PTPRD: variants seen among roughly 807,000 people sequenced by gnomAD.
PTPRD encodes receptor-type tyrosine-protein phosphatase delta.
In PTPRD, 34 loss-of-function variants were observed where a neutral mutation model predicts 214.5. The ratio of observed to expected loss-of-function variants is 0.16; its 90% CI spans 0.12 to 0.21. PTPRD has a LOEUF of 0.21. PTPRD is among the 10% of genes least tolerant of loss of function. The pLI, the probability that PTPRD is intolerant of heterozygous loss-of-function variation, is 1.00. For missense variants in PTPRD, 2,545 were observed against 2,398.7 expected (o/e 1.06, Z -1.27); for synonymous variants, 1,128 against 845.7 (o/e 1.33, Z -5.79).
chr9:10,463,347 T>C (rs899934869), intron 2 of PTPRD, among the ~76,000 whole-genome samples: 1 of 152,108 alleles, frequency 6.6e-6, no homozygotes, highest in African/African-American at 2.4e-5. Context: ...AAGCAGATGA[T>C]ACATATAAAA....
At chr9:9,649,870 C>G (rs560585123) in intron 7 of PTPRD, among the ~76,000 whole-genome samples, 1 of 151,788 alleles carries the variant, frequency 6.6e-6, no homozygotes, top group South Asian at 2.1e-4. Context: ...TTCATTTTTC[C>G]TCATTTCTCA....
At chr9:9,254,766 TA>T (rs2099976990) in intron 9 of PTPRD, among the ~76,000 whole-genome samples, 1 of 152,050 alleles carries the variant, frequency 6.6e-6, no homozygotes, top group Non-Finnish European at 1.5e-5. Context: ...AACGGTATTT[TA>T]AAACCCTGCG....
At chr9:8,422,967 C>G (rs1270112116) in intron 35 of PTPRD, among the ~76,000 whole-genome samples, 1 of 152,152 alleles carries the variant, frequency 6.6e-6, no homozygotes, top group Non-Finnish European at 1.5e-5. Flanking sequence ...GCTTCTCAAT[C>G]ACTGCAGCCA....
chr9:8,434,819 A>C (rs1246895291), intron 35 of PTPRD, among the ~76,000 whole-genome samples: 1 of 149,446 alleles, frequency 6.7e-6, no homozygotes, highest in African/African-American at 2.6e-5. Context: ...CTCTAAACTC[A>C]CTATGGAGCC....
At chr9:8,326,528 T>C (rs1312818310) in intron 44 of PTPRD, among the ~76,000 whole-genome samples, 1 of 151,378 alleles carries the variant, frequency 6.6e-6, no homozygotes, top group Non-Finnish European at 1.5e-5. Flanking sequence ...GGCCTGGAAT[T>C]TTCTTTTTTG....
rs139589940 is a variant in PTPRD, at chr9:10,123,743, C to A, written c.-544-89953G>T. On this transcript the variant is annotated intron_variant, in intron 3 of 45. Coordinates refer to ENST00000381196, the MANE Select transcript of PTPRD (RefSeq NM_002839.4). Reference sequence around the variant, plus strand: ...CCTTGGAATAGTGAATACGTCTTTCCCCAAACTGATGCTCATGGTGTTAAG... The same window carrying A: ...CCTTGGAATAGTGAATACGTCTTTCACCAAACTGATGCTCATGGTGTTAAG... Among the ~76,000 whole-genome samples, 713 of 152,220 alleles carry A rather than the reference C, an allele frequency of 4.7e-3. 5 individuals carry two copies. Among genetic ancestry groups the A allele is most frequent in the Middle Eastern group, 0.034 (10 of 294 alleles).
intron 12 of PTPRD, among the ~76,000 whole-genome samples, chr9:8,639,293 T>C (rs986206082): frequency 6.6e-6 from 1 of 152,242 alleles, no homozygotes; most frequent in African/African-American, 2.4e-5. Flanking sequence ...AACTACTTGC[T>C]TGTCAGTAAC....
chr9:10,104,034 G>A (rs2098598613), intron 3 of PTPRD, among the ~76,000 whole-genome samples: 2 of 151,660 alleles, frequency 1.3e-5, no homozygotes, highest in Non-Finnish European at 2.9e-5. Context: ...GGAAACTTAA[G>A]GACATTATGT....
chr9:10,012,315 T>A (rs1253190791), intron 4 of PTPRD, among the ~76,000 whole-genome samples: 2 of 151,416 alleles, frequency 1.3e-5, no homozygotes, highest in African/African-American at 2.4e-5. Context: ...GGTGGAAGAT[T>A]CAGACAAGAA....
chr9:9,967,943 A>AATTT (rs1262276273), intron 4 of PTPRD, among the ~76,000 whole-genome samples: 1 of 152,258 alleles, frequency 6.6e-6, no homozygotes, highest in East Asian at 1.9e-4. Context: ...TATTAAGAAA[A>AATTT]ATTTGTCACA....
intron 8 of PTPRD, among the ~76,000 whole-genome samples, chr9:9,497,914 C>T (rs1270928436): frequency 6.6e-6 from 1 of 152,148 alleles, no homozygotes; most frequent in Non-Finnish European, 1.5e-5. Flanking sequence ...CCTCAGTTTT[C>T]TCATCTATAA....
intron 9 of PTPRD, among the ~76,000 whole-genome samples, chr9:9,352,327 A>ATATATATGTG (rs1555280411): frequency 1.5e-5 from 1 of 68,382 alleles, no homozygotes; most frequent in African/African-American, 4.4e-5. Flanking sequence ...ATATATATAT[A>ATATATATGTG]TGTGTGTGTG....
intron 12 of PTPRD, among the ~76,000 whole-genome samples, chr9:8,696,996 C>CA: frequency 6.6e-6 from 1 of 152,194 alleles, no homozygotes; most frequent in South Asian, 2.1e-4. Flanking sequence ...AAATGGGTTA[C>CA]AAAATGCTTG....
intron 3 of PTPRD, among the ~76,000 whole-genome samples, chr9:10,223,390 C>T (rs1342532560): frequency 2.0e-5 from 3 of 151,940 alleles, no homozygotes; most frequent in East Asian, 1.9e-4. Flanking sequence ...CCCAGCAGGA[C>T]GTGGTGGCTC....
intron 30 of PTPRD, 61 bp from the exon 31 acceptor site, chr9:8,471,146 C>T (rs1243336355): frequency 1.4e-6 from 2 of 1,403,452 alleles, no homozygotes; most frequent in Non-Finnish European, 2.0e-6. Context: ...GTGGATATAC[C>T]CTTAAACCTT....
At chr9:9,184,659 G>T (rs1438305612) in intron 9 of PTPRD, among the ~76,000 whole-genome samples, 2 of 152,034 alleles carry the variant, frequency 1.3e-5, no homozygotes, top group Non-Finnish European at 2.9e-5. Flanking sequence ...CACTTAGCCT[G>T]TTTGGTTTAT....
At chr9:8,346,030 G>C (rs192828101) in intron 39 of PTPRD, among the ~76,000 whole-genome samples, 1 of 151,872 alleles carries the variant, frequency 6.6e-6, no homozygotes, top group Non-Finnish European at 1.5e-5. Flanking sequence ...ATTTCAAACT[G>C]TCTTCAAGTT....
intron 11 of PTPRD, among the ~76,000 whole-genome samples, chr9:8,990,457 A>T (rs1232090846): frequency 6.6e-6 from 1 of 152,154 alleles, no homozygotes; most frequent in Non-Finnish European, 1.5e-5. Flanking sequence ...TGGGGCTCAG[A>T]AAACAAAATA....
intron 9 of PTPRD, among the ~76,000 whole-genome samples, chr9:9,238,020 T>C (rs1410851033): frequency 6.6e-6 from 1 of 151,726 alleles, no homozygotes; most frequent in East Asian, 1.9e-4. Context: ...CAAGTCCCTT[T>C]CTCCTCCATT....
Sources: allele counts gnomAD v4.1 joint callset (sites outside exome capture counted in the v4.1 genomes callset), GRCh38; gene constraint gnomAD v4.1.1; transcripts MANE v1.5; gene names NCBI Gene and HGNC (gene_info 2026-07-23, HGNC 2026-07-21).